CLSTN2: variants seen among roughly 807,000 people sequenced by gnomAD.
CLSTN2 encodes calsyntenin 2.
Under a neutral mutation model 101.2 loss-of-function variants are expected in CLSTN2, and 48 were observed. That is an observed-to-expected ratio of 0.47 (90% CI 0.38 to 0.60). The LOEUF (loss-of-function observed/expected upper bound fraction) is 0.60. Among genes scored for constraint, CLSTN2 ranks in the 20% least tolerant of loss-of-function variants. CLSTN2 has a pLI of 0.00. For synonymous variants in CLSTN2, 481 were observed against 463.6 expected (o/e 1.04, Z -0.48); for missense variants, 1,160 against 1,238.2 (o/e 0.94, Z 0.95).
intron 2 of CLSTN2, among the ~76,000 whole-genome samples, chr3:140,194,729 GC>G (rs1479975878): frequency 6.6e-6 from 1 of 152,162 alleles, no homozygotes; most frequent in Non-Finnish European, 1.5e-5. Context: ...CTCTCCTTGG[GC>G]TTCATTGACA....
At chr3:140,299,690 T>C (rs774076954) in intron 2 of CLSTN2, among the ~76,000 whole-genome samples, 6 of 152,228 alleles carry the variant, frequency 3.9e-5, no homozygotes, top group Non-Finnish European at 7.3e-5. Context: ...AGGATGCTGC[T>C]TGTATAAGAT....
intron 2 of CLSTN2, among the ~76,000 whole-genome samples, chr3:140,289,170 T>C (rs1355043320): frequency 3.3e-5 from 5 of 152,138 alleles, no homozygotes; most frequent in South Asian, 2.1e-4. Flanking sequence ...CCTTTAATCA[T>C]CAGAATTCTA....
intron 1 of CLSTN2, among the ~76,000 whole-genome samples, chr3:140,015,670 A>G (rs1471918540): frequency 6.6e-6 from 1 of 152,260 alleles, no homozygotes; most frequent in Non-Finnish European, 1.5e-5. Flanking sequence ...AGTTCTGGAC[A>G]TGATGAGTTT....
intron 7 of CLSTN2, among the ~76,000 whole-genome samples, chr3:140,463,243 C>T (rs1315907227): frequency 6.6e-6 from 1 of 152,220 alleles, no homozygotes; most frequent in Non-Finnish European, 1.5e-5. Flanking sequence ...CCCTGGCATG[C>T]AGCCCTTTTC....
intron 2 of CLSTN2, among the ~76,000 whole-genome samples, chr3:140,342,831 C>T (rs1485367980): frequency 6.6e-6 from 1 of 152,154 alleles, no homozygotes; most frequent in African/African-American, 2.4e-5. Flanking sequence ...ATCTTGCAGC[C>T]TCTGCATGTG....
intron 2 of CLSTN2, among the ~76,000 whole-genome samples, chr3:140,294,552 C>G (rs2086984301): frequency 6.6e-6 from 1 of 151,672 alleles, no homozygotes; most frequent in Non-Finnish European, 1.5e-5. Flanking sequence ...AGTTATATGG[C>G]CTCCCCAATG....
chr3:140,494,603 GCT>G (rs1287337259), intron 8 of CLSTN2, among the ~76,000 whole-genome samples: 2 of 152,092 alleles, frequency 1.3e-5, no homozygotes, highest in African/African-American at 4.8e-5. Context: ...TCTTCCTGAT[GCT>G]CTCTCTTCCC....
At chr3:140,431,570 C>A (rs1452379753) in intron 5 of CLSTN2, among the ~76,000 whole-genome samples, 2 of 152,168 alleles carry the variant, frequency 1.3e-5, no homozygotes, top group South Asian at 2.1e-4. Flanking sequence ...TCCTCTTTAT[C>A]AATAACCTCT....
intron 2 of CLSTN2, among the ~76,000 whole-genome samples, chr3:140,177,054 C>A (rs911536117): frequency 1.3e-5 from 2 of 151,896 alleles, no homozygotes; most frequent in Non-Finnish European, 2.9e-5. Flanking sequence ...AAGCATGGAG[C>A]GAGAAGGTAG....
At chr3:139,993,699 G>A (rs948434640) in intron 1 of CLSTN2, among the ~76,000 whole-genome samples, 12 of 152,200 alleles carry the variant, frequency 7.9e-5, no homozygotes, top group African/African-American at 2.9e-4. Flanking sequence ...CCCAAACAGT[G>A]GCTTTGTGGC....
At chr3:140,105,291 C>A (rs2009037283) in intron 1 of CLSTN2, among the ~76,000 whole-genome samples, 1 of 152,186 alleles carries the variant, frequency 6.6e-6, no homozygotes, top group African/African-American at 2.4e-5. Context: ...CTTGGTTGAA[C>A]ATCAAGGCCT....
At chr3:140,405,807 A>G (rs2088296793) in intron 4 of CLSTN2, among the ~76,000 whole-genome samples, 1 of 152,226 alleles carries the variant, frequency 6.6e-6, no homozygotes, top group East Asian at 1.9e-4. Context: ...TGCCAAGTAC[A>G]TTGTTTAATT....
chr3:140,241,345 G>A (rs912093984), intron 2 of CLSTN2, among the ~76,000 whole-genome samples: 1 of 152,158 alleles, frequency 6.6e-6, no homozygotes, highest in South Asian at 2.1e-4. Flanking sequence ...AGTGTTGTGT[G>A]AGGGCTTAAA....
intron 8 of CLSTN2, among the ~76,000 whole-genome samples, chr3:140,511,462 T>C (rs1021134726): frequency 1.3e-5 from 2 of 152,028 alleles, no homozygotes; most frequent in African/African-American, 4.8e-5. Flanking sequence ...CCACAATGGT[T>C]GAACTAATTT....
chr3:140,544,727 A>G (rs349559), intron 9 of CLSTN2, among the ~76,000 whole-genome samples: 38,819 of 150,976 alleles, frequency 0.26, 6,314 homozygotes, highest in African/African-American at 0.47. Flanking sequence ...GGCAGGGTGG[A>G]GTAGGGCTCC....
intron 5 of CLSTN2, among the ~76,000 whole-genome samples, chr3:140,426,842 A>G (rs1380105598): frequency 2.0e-5 from 3 of 152,098 alleles, no homozygotes; most frequent in Non-Finnish European, 2.9e-5. Flanking sequence ...GGTATTTTCC[A>G]CCTTTAGCAG....
intron 1 of CLSTN2, among the ~76,000 whole-genome samples, chr3:140,119,253 A>G (rs2009299665): frequency 6.6e-6 from 1 of 152,264 alleles, no homozygotes; most frequent in African/African-American, 2.4e-5. Context: ...GCAGAATCCC[A>G]GAATCAAGTC....
chr3:140,435,245 C>A (rs1016771268), intron 5 of CLSTN2, among the ~76,000 whole-genome samples: 2 of 152,054 alleles, frequency 1.3e-5, no homozygotes, highest in African/African-American at 4.8e-5. Context: ...TAGTAACCAT[C>A]CTTCTACTCT....
intron 2 of CLSTN2, among the ~76,000 whole-genome samples, chr3:140,271,432 C>T (rs971694614): frequency 2.0e-5 from 3 of 152,192 alleles, no homozygotes; most frequent in Admixed American, 6.5e-5. Flanking sequence ...GCAAATATTT[C>T]TGTTTGTAAT....
Sources: gnomAD v4.1 joint callset for allele counts (sites outside exome capture counted in the v4.1 genomes callset) on GRCh38, gnomAD v4.1.1 for gene constraint, MANE v1.5 for transcripts, NCBI Gene and HGNC (gene_info 2026-07-23, HGNC 2026-07-21) for gene names.